Variants in TMEM131 observed in about 807,000 individuals in gnomAD.
The protein encoded by TMEM131 is 2610524E03Rik.
Under a neutral mutation model 211.6 loss-of-function variants are expected in TMEM131, and 66 were observed. The observed-to-expected ratio is 0.31, with a 90% CI of 0.26 to 0.38. The LOEUF (loss-of-function observed/expected upper bound fraction) is 0.38. TMEM131 is among the 10% of genes least tolerant of loss of function. The pLI is 1.00. For synonymous variants in TMEM131, 844 were observed against 841.3 expected (o/e 1.00, Z -0.06); for missense variants, 2,036 against 2,299.3 (o/e 0.89, Z 2.34).
At chr2:97,947,028 G>C (rs906191559) in intron 1 of TMEM131, among the ~76,000 whole-genome samples, 1 of 151,698 alleles carries the variant, frequency 6.6e-6, no homozygotes, top group Non-Finnish European at 1.5e-5. Context: ...CATGGTAAAA[G>C]ATCTTGGCAA....
chr2:97,797,559 T>C (rs750982072), intron 25 of TMEM131, 43 bp from the exon 26 acceptor site: 1 of 1,539,100 alleles, frequency 6.5e-7, no homozygotes, highest in South Asian at 1.2e-5. Context: ...GAATATATTC[T>C]CTGGAAGAAT....
At chr2:97,815,060 T>C (rs1032256350) in intron 13 of TMEM131, 139 bp downstream of exon 13, 2 of 450,158 alleles carry the variant, frequency 4.4e-6, no homozygotes, top group Non-Finnish European at 7.5e-6. Flanking sequence ...TTCTCTTTTA[T>C]AGTTGGGGCT....
At chr2:97,934,599 C>CCAG (rs1677364239) in intron 1 of TMEM131, among the ~76,000 whole-genome samples, 1 of 152,138 alleles carries the variant, frequency 6.6e-6, no homozygotes, top group Non-Finnish European at 1.5e-5. Context: ...AATCACTCCA[C>CCAG]CAGACATTAT....
chr2:97,833,309 A>G, intron 11 of TMEM131, 56 bp downstream of exon 11: 1 of 831,764 alleles, frequency 1.2e-6, no homozygotes, highest in East Asian at 2.9e-5. Flanking sequence ...TAACTTTGTC[A>G]TACATTTAAA....
At chr2:97,807,306 G>C (rs531086889) in intron 19 of TMEM131, among the ~76,000 whole-genome samples, 79 of 152,242 alleles carry the variant, frequency 5.2e-4, no homozygotes, top group South Asian at 1.9e-3. Context: ...GTTGGAGGTG[G>C]GGCCCTATGG....
At chr2:97,902,091 A>T (rs1006673207) in intron 3 of TMEM131, among the ~76,000 whole-genome samples, 2 of 152,184 alleles carry the variant, frequency 1.3e-5, no homozygotes, top group African/African-American at 4.8e-5. Flanking sequence ...ATAATAAAAA[A>T]AAATTTTAAA....
Position 97,859,378 on chromosome 2 carries a change from A to C in TMEM131, c.409T>G (p.Ser137Ala). Residue 137 changes from serine to alanine, a missense_variant, in exon 5 of 41, where the codon TCT becomes GCT. By Grantham distance (99) the Ser-to-Ala change is moderately conservative. This residue lies in a region of TMEM131 where 277 missense variants were observed against 378.0 expected (regional missense o/e 0.73). Coordinates refer to ENST00000186436, the MANE Select transcript of TMEM131 (RefSeq NM_015348.2). ...GATACTAAAGTAATCGTTTCTTCAG[A>C]ACTAGGATTATGTAAGTAGACTTTT... Reference protein sequence around the residue: ...MEKVYLHNPSSEETITLVSIS... With the variant: ...MEKVYLHNPSAEETITLVSIS... The C allele has an allele frequency of 1.3e-6, 2 of 1,599,712 alleles. No homozygotes were observed. Among genetic ancestry groups the C allele is most frequent in the South Asian group, 2.3e-5 (2 of 87,130 alleles).
At chr2:97,984,000 AAC>A (rs1402636975) in intron 1 of TMEM131, among the ~76,000 whole-genome samples, 2 of 152,184 alleles carry the variant, frequency 1.3e-5, no homozygotes, top group African/African-American at 4.8e-5. Flanking sequence ...ATAGGAAACT[AAC>A]ACAGAGTCCC....
chr2:97,817,635 TG>T (rs1378116035), intron 12 of TMEM131, among the ~76,000 whole-genome samples: 3 of 152,224 alleles, frequency 2.0e-5, no homozygotes, highest in Admixed American at 2.0e-4. Flanking sequence ...TTTTATTCCT[TG>T]AGAGTCCTCA....
At chr2:97,969,661 G>A (rs1679212051) in intron 1 of TMEM131, among the ~76,000 whole-genome samples, 1 of 152,168 alleles carries the variant, frequency 6.6e-6, no homozygotes, top group Admixed American at 6.5e-5. Flanking sequence ...ATTTGGTGAA[G>A]ATTATTCCAT....
At chr2:97,916,866 T>G (rs907931272) in intron 2 of TMEM131, among the ~76,000 whole-genome samples, 1 of 152,234 alleles carries the variant, frequency 6.6e-6, no homozygotes, top group African/African-American at 2.4e-5. Context: ...TACCATCTCA[T>G]GTATTTAAGA....
chr2:97,867,565 G>A (rs111550774), intron 4 of TMEM131, among the ~76,000 whole-genome samples: 1 of 152,184 alleles, frequency 6.6e-6, no homozygotes, highest in African/African-American at 2.4e-5. Context: ...GGTCTTCTCA[G>A]CTTGCTCTTC....
intron 27 of TMEM131, 27 bp from the exon 28 acceptor site, chr2:97,796,431 A>T: frequency 7.1e-7 from 1 of 1,404,492 alleles, no homozygotes; most frequent in Non-Finnish European, 9.6e-7. Context: ...CAGGAATAAG[A>T]CTAAATCTTG....
Position 97,757,379 on chromosome 2 carries a change from A to T in TMEM131, c.5372T>A (p.Val1791Asp), listed in dbSNP as rs149630938. Residue 1791 changes from valine to aspartate, a missense_variant, in exon 41 of 41, where the codon GTC becomes GAC. Physicochemically the swap from Val to Asp is radical, Grantham distance 152. Coordinates refer to ENST00000186436, the MANE Select transcript of TMEM131 (RefSeq NM_015348.2). ...CCACAGGCCGCTGGTGTTACCGAGG[A>T]CCGACTGCGACAAAACAGAAAGCGT... ...SGSPTHTATS[V>D]LGNTSGLWST... 0.02 allele frequency: 31,834 copies of T among 1,592,024 alleles called. 391 individuals carry two copies. Among genetic ancestry groups the T allele is most frequent in the Middle Eastern group, 0.044 (254 of 5,790 alleles).
chr2:97,829,879 C>T (rs879602031), intron 11 of TMEM131, among the ~76,000 whole-genome samples: 5 of 152,104 alleles, frequency 3.3e-5, no homozygotes, highest in Non-Finnish European at 7.4e-5. Context: ...TGAGTGTTAT[C>T]AGCCTGTACA....
intron 1 of TMEM131, among the ~76,000 whole-genome samples, chr2:97,975,726 T>C (rs1299937891): frequency 6.6e-6 from 1 of 150,498 alleles, no homozygotes; most frequent in Non-Finnish European, 1.5e-5. Context: ...TACAGATTCT[T>C]CCAAAAAATT....
chr2:97,845,485 A>C (rs1683381650), intron 5 of TMEM131, among the ~76,000 whole-genome samples: 1 of 152,174 alleles, frequency 6.6e-6, no homozygotes, highest in African/African-American at 2.4e-5. Flanking sequence ...TTCTAAAATA[A>C]GCCACGGGTG....
At chr2:97,951,689 G>A (rs1678323008) in intron 1 of TMEM131, among the ~76,000 whole-genome samples, 1 of 152,088 alleles carries the variant, frequency 6.6e-6, no homozygotes, top group South Asian at 2.1e-4. Context: ...GGGATACACG[G>A]GGGAAAAACA....
Position 97,917,600 on chromosome 2 carries a change from G to T in TMEM131, c.250-8902C>A, listed in dbSNP as rs528193937. Among the ~76,000 whole-genome samples, 42 of 152,296 alleles carry T rather than the reference G, an allele frequency of 2.8e-4. 1 individual carries two copies. The highest frequency in any genetic ancestry group is 9.1e-4 in the African/African-American group (38 of 41,562). On this transcript the variant is annotated intron_variant, in intron 2 of 40. Coordinates refer to ENST00000186436, the MANE Select transcript of TMEM131 (RefSeq NM_015348.2). ...TGACTCACAGTTCTGCAGGGCTTGG[G>T]ACGCCTCAGAAAACTAACAATCATG...
Sources: gnomAD v4.1 joint callset for allele counts (sites outside exome capture counted in the v4.1 genomes callset) on GRCh38, gnomAD v4.1.1 for gene constraint, gnomAD v4.1.1 regional missense constraint, MANE v1.5 for transcripts, NCBI Gene and HGNC (gene_info 2026-07-23, HGNC 2026-07-21) for gene names.